CNIH4: variants seen among roughly 807,000 people sequenced by gnomAD.
CNIH4 encodes cornichon family member 4, also known as protein cornichon homolog 4.
A neutral mutation model predicts 21.5 loss-of-function variants in CNIH4; 9 were observed. The ratio of observed to expected loss-of-function variants is 0.42; its 90% CI spans 0.25 to 0.73. The LOEUF (loss-of-function observed/expected upper bound fraction) is 0.73. Among genes scored for constraint, CNIH4 ranks in the 30% least tolerant of loss-of-function variants. CNIH4 has a pLI of 0.27. For missense variants in CNIH4, 159 were observed against 170.0 expected, an observed-to-expected ratio of 0.94 and a Z score of 0.36; for synonymous variants, 67 against 59.1, an observed-to-expected ratio of 1.13 and a Z score of -0.61.
rs1012204347 is a variant in CNIH4, at chr1:224,356,929, A to C, written c.5A>C (p.Glu2Ala). M[E>A]AVVFVFSLLD... Reference sequence around the variant, plus strand: ...CGGCGGCGACGGAGGAGGAGGATGGAGGCGGTGGTGTTCGTCTTCTCTCTC... The same window carrying C: ...CGGCGGCGACGGAGGAGGAGGATGGCGGCGGTGGTGTTCGTCTTCTCTCTC... The change falls in exon 1 of 5, where the codon GAG (glutamate) becomes GCG (alanine). Residue 2 changes from glutamate (E) to alanine (A), a missense_variant. Transcript: ENST00000465271. The C allele has an allele frequency of 1.4e-5, 23 of 1,609,232 alleles. No homozygotes were observed. The highest frequency in any genetic ancestry group is 1.9e-5 in the Non-Finnish European group (22 of 1,177,912).
intron 4 of CNIH4, among the ~76,000 whole-genome samples, chr1:224,372,899 A>G (rs1037604449): frequency 4.6e-5 from 7 of 152,042 alleles, no homozygotes; most frequent in Non-Finnish European, 1.0e-4. Context: ...GTTTTTAAAA[A>G]TTGCTATTTT....
Position 224,378,947 on chromosome 1 carries a change from C to G in CNIH4, c.*3125C>G. The stretch of plus-strand genomic sequence containing the variant: ...CAGTGTTCTCTCTCCCTTACCACTC[C>G]TCTTCCCCTTCCCTCTATAATGGCA... On this transcript the variant is annotated 3_prime_UTR_variant, in exon 5 of 5. Transcript: ENST00000465271. The G allele has an allele frequency of 1.1e-6, 1 of 931,066 alleles. No individual in the cohort carries two copies. The highest frequency in any genetic ancestry group is 2.6e-5 in the East Asian group (1 of 37,836). The allele number at this position is 931,066 out of a possible 1,614,324, so 57.7% of individuals were successfully genotyped here. A position where few individuals can be genotyped will look rare whatever the true frequency, so the allele number is the denominator to read the frequency against.
chr1:224,362,272 C>T (rs950520325), intron 2 of CNIH4, among the ~76,000 whole-genome samples: 23 of 151,104 alleles, frequency 1.5e-4, no homozygotes, highest in South Asian at 8.4e-4. Context: ...TTAGTGGAGA[C>T]GGGGTTTCAC....
chr1:224,366,801 A>AT (rs1401267491), intron 3 of CNIH4, among the ~76,000 whole-genome samples: 4 of 71,982 alleles, frequency 5.6e-5, no homozygotes, highest in Non-Finnish European at 7.5e-5. Flanking sequence ...TCTACTAAAA[A>AT]TAAAAAAAAA....
rs1210855345 is a variant in CNIH4 at position 224,371,568 on chromosome 1, A to G, written c.392+145A>G. ...TTGTGGCTGTGTAGATTATTTATGT[A>G]TGTCATTGAATCAGCTTTCTGTCTG... On this transcript the variant is annotated intron_variant, in intron 4 of 4. Coordinates refer to ENST00000465271, the MANE Select transcript of CNIH4 (RefSeq NM_014184.4). 9.1e-6 allele frequency: 7 copies of G among 769,872 alleles called. No individual in the cohort carries two copies. The African/African-American group carries it at 1.1e-4, about 12-fold the overall frequency. The allele number at this position is 769,872 out of a possible 1,614,324, so 47.7% of individuals were successfully genotyped here.
At position 224,376,473 on chromosome 1, in the gene CNIH4, G is replaced by C; in HGVS notation, c.*651G>C. ...TTTTGTCAAGAGCTTTCATTTAAAA[G>C]CTACTACCTCCACAATCACCCCCAA... is the stretch of plus-strand genomic sequence containing the variant. On this transcript the variant is annotated 3_prime_UTR_variant, in exon 5 of 5. Coordinates refer to ENST00000465271, the MANE Select transcript of CNIH4 (RefSeq NM_014184.4). The C allele has an allele frequency of 2.0e-6, 2 of 985,366 alleles. No homozygotes were observed. Among genetic ancestry groups the C allele is most frequent in the Non-Finnish European group, 1.2e-6 (1 of 829,910 alleles). 61.0% of individuals were successfully genotyped at this position (985,366 alleles called of 1,614,324 possible).
rs1439611311 is a variant in CNIH4, at chr1:224,376,974, T to C, written c.*1152T>C. 1 of 928,932 alleles carries C rather than the reference T, an allele frequency of 1.1e-6. No homozygotes were observed. Among genetic ancestry groups the C allele is most frequent in the Non-Finnish European group, 1.3e-6 (1 of 778,466 alleles). The allele number at this position is 928,932 out of a possible 1,614,324, so 57.5% of individuals were successfully genotyped here. On this transcript the variant is annotated 3_prime_UTR_variant, in exon 5 of 5. Transcript: ENST00000465271. The stretch of plus-strand genomic sequence containing the variant: ...TCTGTGGGAGAATCCAAAGGCATTA[T>C]TCACTCTAGTTGAGATAGAATTGGG...
intron 1 of CNIH4, among the ~76,000 whole-genome samples, chr1:224,359,977 C>CA (rs1392904862): frequency 6.6e-6 from 1 of 152,086 alleles, no homozygotes; most frequent in African/African-American, 2.4e-5. Flanking sequence ...ACTAAAAATA[C>CA]AAAAAATTAG....
At chr1:224,362,422 A>G (rs556123307) in intron 2 of CNIH4, among the ~76,000 whole-genome samples, 120 of 147,062 alleles carry the variant, frequency 8.2e-4, no homozygotes, top group African/African-American at 2.7e-3. Context: ...CCTGTCCTCT[A>G]TGGGAAAGTT....
rs1352665559 is a variant in CNIH4, at chr1:224,356,903, G to A, written c.-22G>A. 1.3e-6 allele frequency: 2 copies of A among 1,593,406 alleles called. No homozygotes were observed. The highest frequency in any genetic ancestry group is 1.7e-6 in the Non-Finnish European group (2 of 1,168,294). ...CATCCGAGCGGGTTTGACGGAAGGA[G>A]CGGCGGCGACGGAGGAGGAGGATGG... On this transcript the variant is annotated 5_prime_UTR_variant, in exon 1 of 5. Coordinates refer to ENST00000465271, the MANE Select transcript of CNIH4 (RefSeq NM_014184.4).
At chr1:224,360,878 C>G (rs554187348) in intron 2 of CNIH4, among the ~76,000 whole-genome samples, 1 of 152,266 alleles carries the variant, frequency 6.6e-6, no homozygotes, top group Admixed American at 6.5e-5. Context: ...CCTCCTCCCA[C>G]TCACGGAAAA....
chr1:224,364,256 CAT>C (rs1672385944), intron 2 of CNIH4: 1 of 984,856 alleles, frequency 1.0e-6, no homozygotes, highest in Non-Finnish European at 1.2e-6. Flanking sequence ...AAAAAAGAAA[CAT>C]GTTTCAGGTC....
Position 224,377,270 on chromosome 1 carries a change from A to G in CNIH4, c.*1448A>G, listed in dbSNP as rs1463281860. 6.6e-6 allele frequency: 1 copy of G among 152,248 alleles called. No homozygotes were observed. Among genetic ancestry groups the G allele is most frequent in the Non-Finnish European group, 1.5e-5 (1 of 68,056 alleles). 9.4% of individuals were successfully genotyped at this position (152,248 alleles called of 1,614,324 possible). On this transcript the variant is annotated 3_prime_UTR_variant, in exon 5 of 5. Coordinates refer to ENST00000465271, the MANE Select transcript of CNIH4 (RefSeq NM_014184.4). ...TATATTTCTGTCAGGCACAGGGCCA[A>G]GAAGCTGTGTAACAGACATTACTTT...
intron 2 of CNIH4, among the ~76,000 whole-genome samples, chr1:224,361,708 A>G (rs2102851660): frequency 6.6e-6 from 1 of 151,926 alleles, no homozygotes; most frequent in African/African-American, 2.4e-5. Context: ...TCAGCCTCCC[A>G]TGTAGGTGGG....
At chr1:224,357,372 C>T (rs1223129536) in intron 1 of CNIH4, 3 of 185,152 alleles carry the variant, frequency 1.6e-5, no homozygotes, top group Non-Finnish European at 3.3e-5. Flanking sequence ...CGCTGTTTTT[C>T]TGGGAGAGGC....
intron 4 of CNIH4, among the ~76,000 whole-genome samples, chr1:224,375,368 G>A (rs544524526): frequency 7.3e-4 from 111 of 152,322 alleles, no homozygotes; most frequent in African/African-American, 2.2e-3. Flanking sequence ...CAAAACCTGA[G>A]TAAGAAGTTA....
chr1:224,367,985 C>T (rs887861147), intron 3 of CNIH4, among the ~76,000 whole-genome samples: 1 of 152,232 alleles, frequency 6.6e-6, no homozygotes, highest in Non-Finnish European at 1.5e-5. Context: ...CCAGCTTTGG[C>T]ATGGCTTCTT....
At position 224,366,017 on chromosome 1, in the gene CNIH4, G is replaced by A. The variant is rs891049921; in HGVS notation, c.251+26G>A. 3.6e-6 allele frequency: 5 copies of A among 1,387,392 alleles called. No homozygotes were observed. In the Admixed American group the frequency reaches 5.0e-5, roughly 14 times the overall value. The allele number at this position is 1,387,392 out of a possible 1,614,324, so 85.9% of individuals were successfully genotyped here. A position where few individuals can be genotyped will look rare whatever the true frequency, so the allele number is the denominator to read the frequency against. ...GTGAGTATAGTTTGTTTACTTTGGTGTCAAGGTAGTTAAAAAAAAATTTAA... is the reference window on the plus strand; with the variant it reads ...GTGAGTATAGTTTGTTTACTTTGGTATCAAGGTAGTTAAAAAAAAATTTAA... On this transcript the variant is annotated intron_variant, in intron 3 of 4. Coordinates refer to ENST00000465271, the MANE Select transcript of CNIH4 (RefSeq NM_014184.4).
chr1:224,361,607 G>C (rs925609570), intron 2 of CNIH4, among the ~76,000 whole-genome samples: 2 of 152,062 alleles, frequency 1.3e-5, no homozygotes, highest in Non-Finnish European at 2.9e-5. Flanking sequence ...GTTTGAGGCA[G>C]AGTCTCACTC....
Sources: gnomAD v4.1 joint callset for allele counts (sites outside exome capture counted in the v4.1 genomes callset) on GRCh38, gnomAD v4.1.1 for gene constraint, MANE v1.5 for transcripts, NCBI Gene and HGNC (gene_info 2026-07-23, HGNC 2026-07-21) for gene names.